Variants in IDO2 observed in about 807,000 individuals in gnomAD.
IDO2 encodes the protein indoleamine 2,3-dioxygenase-like 1 protein.
Under a neutral mutation model 45.1 loss-of-function variants are expected in IDO2, and 46 were observed. That is an observed-to-expected ratio of 1.02 (90% CI 0.80 to 1.30). IDO2 has a LOEUF of 1.30. Among genes scored for constraint, IDO2 ranks in the 50% most tolerant of loss-of-function variants. The pLI, the probability that IDO2 is intolerant of heterozygous loss-of-function variation, is 0.00. For missense variants in IDO2, 544 were observed against 491.8 expected (o/e 1.11, Z -1.00); for synonymous variants, 218 against 184.9 (o/e 1.18, Z -1.45).
At chr8:39,943,176 T>A (rs1022405183) in intron 1 of IDO2, among the ~76,000 whole-genome samples, 1 of 151,326 alleles carries the variant, frequency 6.6e-6, no homozygotes, top group African/African-American at 2.4e-5. Context: ...GAGACCAGCG[T>A]GACTAACGTG....
chr8:39,950,068 C>T (rs73674543), intron 2 of IDO2, among the ~76,000 whole-genome samples: 4,786 of 152,230 alleles, frequency 0.031, 202 homozygotes, highest in African/African-American at 0.096. Context: ...GTGTCATCCC[C>T]CTCTTTCTAC....
intron 3 of IDO2, among the ~76,000 whole-genome samples, chr8:39,975,172 T>TG (rs1491350815): frequency 3.0e-4 from 2 of 6,602 alleles, no homozygotes; most frequent in Non-Finnish European, 6.5e-4. Flanking sequence ...TTTTTTTTTG[T>TG]TTTTTTTTTT....
intron 8 of IDO2, among the ~76,000 whole-genome samples, chr8:39,998,723 C>T (rs1379172307): frequency 6.9e-6 from 1 of 145,722 alleles, no homozygotes; most frequent in Non-Finnish European, 1.5e-5. Context: ...TCACTACAAC[C>T]TGTGCCTCCC....
intron 2 of IDO2, among the ~76,000 whole-genome samples, chr8:39,956,925 C>A (rs1310217139): frequency 1.3e-5 from 2 of 151,084 alleles, no homozygotes; most frequent in Non-Finnish European, 1.5e-5. Context: ...CACCTGTAGT[C>A]CCAGCTATTT....
intron 6 of IDO2, chr8:39,987,379 T>G (rs1585412288): frequency 6.5e-6 from 1 of 153,844 alleles, no homozygotes; most frequent in African/African-American, 2.4e-5. Flanking sequence ...AATACACACA[T>G]AAACAGATTA....
Position 39,935,115 on chromosome 8 carries a change from A to G in IDO2, c.-121A>G, listed in dbSNP as rs990296594. 8.1e-5 allele frequency: 92 copies of G among 1,131,690 alleles called. No individual in the cohort carries two copies. In the South Asian group the frequency reaches 1.1e-3, roughly 13 times the overall value. The allele number at this position is 1,131,690 out of a possible 1,614,324, so 70.1% of individuals were successfully genotyped here. A position where few individuals can be genotyped will look rare whatever the true frequency, so the allele number is the denominator to read the frequency against. On this transcript the variant is annotated 5_prime_UTR_variant, in exon 1 of 11. Coordinates refer to ENST00000502986, the Ensembl canonical transcript of IDO2. ...CATTAGAAATGTACCATAATACAGAAGGCAATGGACACCTAAAGAACAGAA... is the reference window on the plus strand; with the variant it reads ...CATTAGAAATGTACCATAATACAGAGGGCAATGGACACCTAAAGAACAGAA...
chr8:39,970,026 C>T (rs1808156052), intron 3 of IDO2, among the ~76,000 whole-genome samples: 1 of 152,180 alleles, frequency 6.6e-6, no homozygotes, highest in African/African-American at 2.4e-5. Flanking sequence ...ATTAAAAGTG[C>T]TACTCCAGTG....
chr8:39,982,763 C>G, exon 5 of IDO2: 1 of 1,582,116 alleles, frequency 6.3e-7, no homozygotes, highest in Non-Finnish European at 8.6e-7. Flanking sequence ...CAAAAAAGAT[C>G]CAGACGGGTA....
chr8:39,985,630 A>C, intron 6 of IDO2, 108 bp downstream of exon 6: 2 of 887,634 alleles, frequency 2.3e-6, no homozygotes, highest in South Asian at 3.3e-5. Context: ...ATATAATATC[A>C]ACCATATAAA....
intron 8 of IDO2, among the ~76,000 whole-genome samples, chr8:40,002,091 A>G (rs910047280): frequency 1.3e-5 from 2 of 152,178 alleles, no homozygotes; most frequent in African/African-American, 4.8e-5. Flanking sequence ...TGGCCCATAA[A>G]TACATTTTTA....
In IDO2 at chr8:40,001,200, A is replaced by G. The variant is rs143553763; in HGVS notation, c.668-4127A>G. Among the ~76,000 whole-genome samples the G allele has an allele frequency of 2.5e-3, 344 of 139,512 alleles. 1 individual carries two copies. Among genetic ancestry groups the G allele is most frequent in the African/African-American group, 8.6e-3 (317 of 36,654 alleles). The allele number at this position is 139,512 out of a possible 152,430, so 91.5% of individuals were successfully genotyped here. A position where few individuals can be genotyped will look rare whatever the true frequency, so the allele number is the denominator to read the frequency against. ...TCTCTCTCTCTCTGTGTATACAGGTACTCACCATTCGTGCCTATTTTCTGT... is the reference window on the plus strand; with the variant it reads ...TCTCTCTCTCTCTGTGTATACAGGTGCTCACCATTCGTGCCTATTTTCTGT... On this transcript the variant is annotated intron_variant, in intron 8 of 10. Coordinates refer to ENST00000502986, the Ensembl canonical transcript of IDO2.
intron 2 of IDO2, among the ~76,000 whole-genome samples, chr8:39,958,563 A>G (rs1807939002): frequency 6.6e-6 from 1 of 152,052 alleles, no homozygotes; most frequent in Non-Finnish European, 1.5e-5. Flanking sequence ...CATCAAACTA[A>G]TTTTTGTATT....
At chr8:39,970,799 A>C in intron 3 of IDO2, among the ~76,000 whole-genome samples, 6 of 122,230 alleles carry the variant, frequency 4.9e-5, no homozygotes, top group Admixed American at 9.9e-5. Flanking sequence ...ACAGAGTCTC[A>C]CTCTGTCGCC....
chr8:39,960,941 C>T (rs933357840), intron 2 of IDO2, among the ~76,000 whole-genome samples: 6 of 148,836 alleles, frequency 4.0e-5, no homozygotes, highest in Non-Finnish European at 6.0e-5. Context: ...CGCCAACACG[C>T]CCAGCTAATT....
At chr8:39,990,341 G>A (rs1808482087) in intron 8 of IDO2, among the ~76,000 whole-genome samples, 1 of 152,134 alleles carries the variant, frequency 6.6e-6, no homozygotes, top group Non-Finnish European at 1.5e-5. Flanking sequence ...GTCAAAGGTA[G>A]GAAAGTTGTC....
At chr8:40,005,219 T>C (rs1802202203) in intron 8 of IDO2, 108 bp from the exon 9 acceptor site, 2 of 595,498 alleles carry the variant, frequency 3.4e-6, no homozygotes, top group African/African-American at 1.8e-5. Context: ...CAGGTCTCCA[T>C]GCATATCAGA....
intron 9 of IDO2, 107 bp from the exon 10 acceptor site, chr8:40,013,458 C>T: frequency 9.0e-7 from 1 of 1,108,560 alleles, no homozygotes; most frequent in African/African-American, 1.6e-5. Flanking sequence ...CCTAAAATTA[C>T]CATTGAAATC....
chr8:39,952,732 A>G (rs1300190386), intron 2 of IDO2, among the ~76,000 whole-genome samples: 1 of 152,006 alleles, frequency 6.6e-6, no homozygotes, highest in Non-Finnish European at 1.5e-5. Context: ...AGGAGACAAG[A>G]GTGAAGAGAA....
chr8:39,972,152 AG>A (rs1808188860), intron 3 of IDO2, among the ~76,000 whole-genome samples: 1 of 152,228 alleles, frequency 6.6e-6, no homozygotes, highest in Admixed American at 6.5e-5. Flanking sequence ...TATGGAGCAA[AG>A]AAAGTAGTTG....
Sources: allele counts gnomAD v4.1 joint callset (sites outside exome capture counted in the v4.1 genomes callset), GRCh38; gene constraint gnomAD v4.1.1; transcripts MANE v1.5; gene names NCBI Gene and HGNC (gene_info 2026-07-23, HGNC 2026-07-21).